RNF152: variants seen among roughly 807,000 people sequenced by gnomAD.
RNF152 encodes the protein ring finger protein 152.
In RNF152, 11 loss-of-function variants were observed where a neutral mutation model predicts 12.7. The ratio of observed to expected loss-of-function variants is 0.86; its 90% CI spans 0.54 to 1.43. The LOEUF (loss-of-function observed/expected upper bound fraction) is 1.43, where lower values mean the gene tolerates loss of function less well. RNF152 is among the 40% of genes most tolerant of loss of function. RNF152 has a pLI of 0.00. For synonymous variants in RNF152, 113 were observed against 120.3 expected, an observed-to-expected ratio of 0.94 and a Z score of 0.40; for missense variants, 255 against 274.8, an observed-to-expected ratio of 0.93 and a Z score of 0.51.
intron 1 of RNF152, among the ~76,000 whole-genome samples, chr18:61,851,794 T>C (rs143679971): frequency 2.6e-5 from 4 of 152,284 alleles, no homozygotes; most frequent in Non-Finnish European, 5.9e-5. Flanking sequence ...ACTTGGTCAA[T>C]ACCATAGGAT....
intron 1 of RNF152, chr18:61,874,901 C>A (rs1204565943): frequency 6.6e-6 from 1 of 152,122 alleles, no homozygotes; most frequent in African/African-American, 2.4e-5. Context: ...ACCTTAAACA[C>A]TCTTTATGCT....
At chr18:61,859,951 CG>C (rs1911390700) in intron 1 of RNF152, among the ~76,000 whole-genome samples, 1 of 152,028 alleles carries the variant, frequency 6.6e-6, no homozygotes, top group African/African-American at 2.4e-5. Context: ...ATTTGGAAAA[CG>C]GGTCACTGCA....
intron 1 of RNF152, among the ~76,000 whole-genome samples, chr18:61,819,575 A>G (rs750500866): frequency 1.3e-5 from 2 of 152,216 alleles, no homozygotes; most frequent in Non-Finnish European, 2.9e-5. Flanking sequence ...GAGGTTGTAC[A>G]GTGAAAGAAG....
intron 1 of RNF152, among the ~76,000 whole-genome samples, chr18:61,861,908 T>C (rs1457185768): frequency 1.3e-5 from 2 of 152,040 alleles, no homozygotes; most frequent in African/African-American, 4.8e-5. Context: ...AAACATCTCC[T>C]ATTAGGCCCC....
intron 1 of RNF152, among the ~76,000 whole-genome samples, chr18:61,889,787 T>G (rs1912869620): frequency 6.6e-6 from 1 of 152,170 alleles, no homozygotes. Flanking sequence ...TGGGTGGCCC[T>G]AGGCCCATTG....
At chr18:61,819,069 T>A (rs1005748219) in intron 1 of RNF152, among the ~76,000 whole-genome samples, 2 of 152,226 alleles carry the variant, frequency 1.3e-5, no homozygotes, top group African/African-American at 4.8e-5. Flanking sequence ...AGGTAAGCGA[T>A]TACAGAATTA....
Position 61,815,878 on chromosome 18 carries a change from G to A in RNF152, c.586C>T (p.Arg196Cys), listed in dbSNP as rs780179925. The change falls in exon 2 of 2, where the codon CGC (arginine) becomes TGC (cysteine). Residue 196 changes from arginine to cysteine, a missense_variant. Physicochemically the swap from Arg to Cys is radical, Grantham distance 180. Transcript: ENST00000312828. Reference protein sequence around the residue: ...VLHNMSCISKRFTVISCG With the variant: ...VLHNMSCISKCFTVISCG ...CAGCCACAGGATATCACAGTGAAGC[G>A]CTTAGAAATGCAAGACATGTTGTGA... is the stretch of plus-strand genomic sequence containing the variant. 32 of 1,614,164 alleles carry A rather than the reference G, an allele frequency of 2.0e-5. No individual in the cohort carries two copies. The highest frequency in any genetic ancestry group is 1.4e-4 in the South Asian group (13 of 91,072).
intron 1 of RNF152, among the ~76,000 whole-genome samples, chr18:61,863,501 C>T (rs1911585459): frequency 6.6e-6 from 1 of 150,928 alleles, no homozygotes; most frequent in African/African-American, 2.4e-5. Context: ...TCACTGTAGA[C>T]ACAATCTGTA....
At chr18:61,823,882 C>T (rs970862506) in intron 1 of RNF152, among the ~76,000 whole-genome samples, 3 of 152,212 alleles carry the variant, frequency 2.0e-5, no homozygotes, top group South Asian at 4.1e-4. Context: ...CTGGATGTGC[C>T]GTGGAGCCAA....
At chr18:61,847,449 T>A (rs1314243026) in intron 1 of RNF152, among the ~76,000 whole-genome samples, 1 of 152,168 alleles carries the variant, frequency 6.6e-6, no homozygotes, top group Non-Finnish European at 1.5e-5. Context: ...TCAGAAAAAA[T>A]TCCCGCAAGT....
chr18:61,876,359 A>G (rs1912214053), intron 1 of RNF152, among the ~76,000 whole-genome samples: 1 of 152,254 alleles, frequency 6.6e-6, no homozygotes, highest in Non-Finnish European at 1.5e-5. Flanking sequence ...CAACATGCTA[A>G]TGAACTACTT....
chr18:61,829,525 GGA>G (rs140442119), intron 1 of RNF152, among the ~76,000 whole-genome samples: 28 of 148,162 alleles, frequency 1.9e-4, no homozygotes, highest in African/African-American at 3.2e-4. Context: ...ATCAGGGGAG[GGA>G]GAGAGAGAGA....
chr18:61,857,345 T>A (rs939350780), intron 1 of RNF152, among the ~76,000 whole-genome samples: 1 of 152,236 alleles, frequency 6.6e-6, no homozygotes, highest in South Asian at 2.1e-4. Flanking sequence ...TATGTCCACA[T>A]GATTTTATTT....
intron 1 of RNF152, among the ~76,000 whole-genome samples, chr18:61,872,277 T>G (rs903130267): frequency 2.6e-5 from 4 of 152,058 alleles, no homozygotes; most frequent in African/African-American, 7.2e-5. Flanking sequence ...AGGCCCCACC[T>G]CCAACACTGG....
At chr18:61,821,153 C>G (rs1466849785) in intron 1 of RNF152, among the ~76,000 whole-genome samples, 2 of 152,240 alleles carry the variant, frequency 1.3e-5, no homozygotes, top group African/African-American at 4.8e-5. Flanking sequence ...CTTCCTGGCC[C>G]TGCCCCAAGA....
intron 1 of RNF152, among the ~76,000 whole-genome samples, chr18:61,863,952 T>C (rs535337385): frequency 6.6e-6 from 1 of 152,342 alleles, no homozygotes; most frequent in South Asian, 2.1e-4. Flanking sequence ...CCATGTATTT[T>C]AATCTTTCTC....
intron 1 of RNF152, among the ~76,000 whole-genome samples, chr18:61,874,042 TATA>T (rs779474807): frequency 3.3e-5 from 5 of 152,256 alleles, no homozygotes; most frequent in South Asian, 2.1e-4. Flanking sequence ...TTCTTCATAC[TATA>T]ATAAGTGTAC....
chr18:61,847,613 A>C (rs77222024), intron 1 of RNF152, among the ~76,000 whole-genome samples: 1,747 of 152,372 alleles, frequency 0.011, 37 homozygotes, highest in African/African-American at 0.04. Flanking sequence ...AGAAAGCAAG[A>C]CACCAATGGT....
At chr18:61,827,388 C>A (rs1397293694) in intron 1 of RNF152, among the ~76,000 whole-genome samples, 1 of 152,038 alleles carries the variant, frequency 6.6e-6, no homozygotes, top group African/African-American at 2.4e-5. Flanking sequence ...TTTGAGGTAC[C>A]CTAAGGCTGG....
Sources: gnomAD v4.1 joint callset for allele counts (sites outside exome capture counted in the v4.1 genomes callset) on GRCh38, gnomAD v4.1.1 for gene constraint, MANE v1.5 for transcripts, NCBI Gene and HGNC (gene_info 2026-07-23, HGNC 2026-07-21) for gene names.